The following SERGEF variants were observed in gnomAD, a reference collection of about 807,000 sequenced individuals.
The protein encoded by SERGEF is secretion-regulating guanine nucleotide exchange factor.
SERGEF carries 51 observed loss-of-function variants against 50.0 expected under a neutral mutation model. That is an observed-to-expected ratio of 1.02 (90% CI 0.81 to 1.29). The LOEUF (loss-of-function observed/expected upper bound fraction) is 1.29, where lower values mean the gene tolerates loss of function less well. Ranked by LOEUF, SERGEF falls within the 50% of genes most tolerant of loss-of-function variation. The pLI, the probability that SERGEF is intolerant of heterozygous loss-of-function variation, is 0.00. For synonymous variants in SERGEF, 205 were observed against 212.4 expected (o/e 0.97, Z 0.30); for missense variants, 521 against 557.0 (o/e 0.94, Z 0.65).
chr11:17,920,774 T>C lies in SERGEF; in HGVS notation c.1011+38696A>G, dbSNP rs142596559. 2.7e-3 allele frequency among the ~76,000 whole-genome samples: 409 copies of C among 152,288 alleles called. 1 individual carries two copies. Among genetic ancestry groups the C allele is most frequent in the African/African-American group, 9.1e-3 (378 of 41,548 alleles). Reference sequence around the variant, plus strand: ...GGAAGGGAGCAGGTCTACGTATGCATAGAGATCCTGAACTGCCTGCAGACT... The same window carrying C: ...GGAAGGGAGCAGGTCTACGTATGCACAGAGATCCTGAACTGCCTGCAGACT... On this transcript the variant is annotated intron_variant, in intron 9 of 10. Transcript: ENST00000265965.
intron 10 of SERGEF, among the ~76,000 whole-genome samples, chr11:17,845,694 C>T (rs1451328175): frequency 6.6e-6 from 1 of 152,150 alleles, no homozygotes; most frequent in Non-Finnish European, 1.5e-5. Context: ...AAGACTGATA[C>T]TGTGACTCAT....
chr11:17,968,227 G>C (rs1023217390), intron 8 of SERGEF, among the ~76,000 whole-genome samples: 7 of 152,120 alleles, frequency 4.6e-5, no homozygotes, highest in Non-Finnish European at 1.0e-4. Flanking sequence ...TTACCACCAA[G>C]GATATCAGAG....
intron 10 of SERGEF, among the ~76,000 whole-genome samples, chr11:17,860,632 T>C (rs529921257): frequency 6.6e-6 from 1 of 152,210 alleles, no homozygotes; most frequent in African/African-American, 2.4e-5. Flanking sequence ...ACTATGTACA[T>C]ACACTATTTT....
chr11:17,846,660 T>A (rs553339206), intron 10 of SERGEF: 1 of 455,774 alleles, frequency 2.2e-6, no homozygotes, highest in Admixed American at 2.3e-5. Flanking sequence ...AATGGCTCCA[T>A]GACACATGAA....
intron 9 of SERGEF, among the ~76,000 whole-genome samples, chr11:17,937,199 A>G (rs938202976): frequency 6.6e-6 from 1 of 152,172 alleles, no homozygotes; most frequent in Non-Finnish European, 1.5e-5. Flanking sequence ...ATAATGTCTC[A>G]TATTTTTAAA....
intron 8 of SERGEF, among the ~76,000 whole-genome samples, chr11:17,977,590 C>G (rs773608286): frequency 1.2e-4 from 19 of 152,188 alleles, no homozygotes; most frequent in Non-Finnish European, 2.4e-4. Flanking sequence ...CTGTTGCCCC[C>G]TCCCTAAAGC....
chr11:17,883,927 G>C (rs58009683), intron 9 of SERGEF, among the ~76,000 whole-genome samples: 9,827 of 149,074 alleles, frequency 0.066, 1,104 homozygotes, highest in African/African-American at 0.23. Context: ...GTTCAAATCT[G>C]AACATTCTAA....
At chr11:17,941,170 G>A (rs1852556193) in intron 9 of SERGEF, among the ~76,000 whole-genome samples, 1 of 152,170 alleles carries the variant, frequency 6.6e-6, no homozygotes, top group Non-Finnish European at 1.5e-5. Context: ...AGATACAAGT[G>A]TCCTTCACAT....
intron 9 of SERGEF, chr11:17,918,714 T>A (rs1852098357): frequency 2.2e-6 from 1 of 454,564 alleles, no homozygotes; most frequent in Non-Finnish European, 4.4e-6. Flanking sequence ...GTTCAGAGAA[T>A]GAAGTGATCA....
chr11:17,900,454 A>G (rs1354021277), intron 9 of SERGEF, among the ~76,000 whole-genome samples: 2 of 152,216 alleles, frequency 1.3e-5, no homozygotes, highest in Admixed American at 6.5e-5. Context: ...CTCTTCCAAC[A>G]AAATCTATGT....
chr11:17,897,838 G>A (rs1851676035), intron 9 of SERGEF, among the ~76,000 whole-genome samples: 1 of 152,086 alleles, frequency 6.6e-6, no homozygotes, highest in Non-Finnish European at 1.5e-5. Context: ...TGGAGAATGG[G>A]GAGGTCCACT....
rs910807040 is a variant in SERGEF at position 17,813,175 on chromosome 11, A to G, written c.1049-24762T>C. On this transcript the variant is annotated intron_variant, in intron 10 of 10. Coordinates refer to ENST00000265965, the MANE Select transcript of SERGEF (RefSeq NM_012139.4). ...CCTTGCTTGAAAAACAGAAGTACCAATTTCCATACCAGTATCCTGTCTACC... is the reference window on the plus strand; with the variant it reads ...CCTTGCTTGAAAAACAGAAGTACCAGTTTCCATACCAGTATCCTGTCTACC... Among the ~76,000 whole-genome samples, 7 of 152,174 alleles carry G rather than the reference A, an allele frequency of 4.6e-5. No individual in the cohort carries two copies. The East Asian group carries it at 1.3e-3, about 29-fold the overall frequency.
intron 4 of SERGEF, among the ~76,000 whole-genome samples, chr11:18,002,572 T>G (rs1401164): frequency 0.32 from 48,614 of 152,084 alleles, 9,275 homozygotes; most frequent in East Asian, 0.5. Flanking sequence ...CCAAGACGGG[T>G]AAACCTCTAT....
At chr11:17,830,340 C>T (rs1850270620) in intron 10 of SERGEF, among the ~76,000 whole-genome samples, 1 of 152,172 alleles carries the variant, frequency 6.6e-6, no homozygotes, top group Non-Finnish European at 1.5e-5. Context: ...TGGAGCTATT[C>T]ATTCATATAT....
intron 8 of SERGEF, among the ~76,000 whole-genome samples, chr11:17,965,706 C>G (rs185304487): frequency 6.6e-6 from 1 of 152,316 alleles, no homozygotes; most frequent in East Asian, 1.9e-4. Flanking sequence ...TAATGCCCAA[C>G]ACAAAGTAGG....
intron 9 of SERGEF, among the ~76,000 whole-genome samples, chr11:17,954,121 C>A (rs1409519840): frequency 6.6e-6 from 1 of 152,144 alleles, no homozygotes; most frequent in Non-Finnish European, 1.5e-5. Context: ...TCATGCTTCT[C>A]TAGGAACAGC....
At chr11:17,979,439 C>T (rs1042535023) in intron 8 of SERGEF, among the ~76,000 whole-genome samples, 2 of 152,150 alleles carry the variant, frequency 1.3e-5, no homozygotes, top group African/African-American at 4.8e-5. Flanking sequence ...ACCACCACAG[C>T]CTGGATCCTA....
At chr11:17,997,209 G>A (rs756641571) in intron 5 of SERGEF, among the ~76,000 whole-genome samples, 7 of 152,156 alleles carry the variant, frequency 4.6e-5, no homozygotes, top group Non-Finnish European at 8.8e-5. Flanking sequence ...CAAAAAAAGC[G>A]AGGGAGGAGG....
intron 8 of SERGEF, among the ~76,000 whole-genome samples, chr11:17,975,193 C>T (rs1330069750): frequency 6.6e-6 from 1 of 152,188 alleles, no homozygotes; most frequent in African/African-American, 2.4e-5. Context: ...GGCTAAGTAC[C>T]CAAGTAGAGT....
Sources: allele counts gnomAD v4.1 joint callset (sites outside exome capture counted in the v4.1 genomes callset), GRCh38; gene constraint gnomAD v4.1.1; transcripts MANE v1.5; gene names NCBI Gene and HGNC (gene_info 2026-07-23, HGNC 2026-07-21).